The following ARHGEF33 variants were observed in gnomAD, a reference collection of about 807,000 sequenced individuals.
The protein encoded by ARHGEF33 is DH and coiled-coil domain-containing protein ENSP00000381780.
A neutral mutation model predicts 101.9 loss-of-function variants in ARHGEF33; 72 were observed. That is an observed-to-expected ratio of 0.71 (90% CI 0.58 to 0.86). The LOEUF is 0.86. Among genes scored for constraint, ARHGEF33 ranks in the 40% least tolerant of loss-of-function variants. The probability of loss-of-function intolerance (pLI) is 0.00; values close to 1 mark genes in which losing one functional copy is unlikely to be tolerated. For missense variants in ARHGEF33, 1,169 were observed against 1,111.3 expected (o/e 1.05, Z -0.74); for synonymous variants, 499 against 442.5 (o/e 1.13, Z -1.60).
In ARHGEF33 at chr2:38,929,342, T is replaced by A. The variant is rs982073115; in HGVS notation, c.240+271T>A. 3.3e-5 allele frequency among the ~76,000 whole-genome samples: 5 copies of A among 151,738 alleles called. No homozygotes were observed. The South Asian group carries it at 1.0e-3, about 32-fold the overall frequency. The stretch of plus-strand genomic sequence containing the variant: ...TACTCGGGAGACTGAGGCAGGAGAA[T>A]CGCTTGAGCCAGGAAGTGGAGGTTG... On this transcript the variant is annotated intron_variant, in intron 5 of 17. Coordinates refer to ENST00000409978, the MANE Select transcript of ARHGEF33 (RefSeq NM_001145451.5).
At chr2:38,950,665 G>T (rs1667576968) in intron 10 of ARHGEF33, among the ~76,000 whole-genome samples, 1 of 152,148 alleles carries the variant, frequency 6.6e-6, no homozygotes, top group Non-Finnish European at 1.5e-5. Context: ...GGCCAGGCTG[G>T]TCTCGAACTC....
intron 9 of ARHGEF33, among the ~76,000 whole-genome samples, chr2:38,942,788 ATGT>A (rs1228391715): frequency 2.6e-5 from 4 of 152,182 alleles, no homozygotes; most frequent in Non-Finnish European, 5.9e-5. Flanking sequence ...CTTTATGCAA[ATGT>A]ATGAGCATCC....
At chr2:38,905,198 C>T (rs2124982376) in intron 2 of ARHGEF33, among the ~76,000 whole-genome samples, 1 of 151,470 alleles carries the variant, frequency 6.6e-6, no homozygotes, top group African/African-American at 2.4e-5. Context: ...AAAAAAAAGC[C>T]AGTTTTGTTT....
At chr2:38,937,792 A>G (rs904321750) in intron 9 of ARHGEF33, among the ~76,000 whole-genome samples, 32 of 152,138 alleles carry the variant, frequency 2.1e-4, no homozygotes, top group Non-Finnish European at 2.9e-5. Context: ...TTAGTAATGG[A>G]GTGCTGTGGG....
intron 2 of ARHGEF33, among the ~76,000 whole-genome samples, chr2:38,907,397 G>A (rs990152591): frequency 1.3e-5 from 2 of 152,152 alleles, no homozygotes; most frequent in Non-Finnish European, 2.9e-5. Flanking sequence ...AGCACCAAAG[G>A]CAGCTCCAAA....
intron 1 of ARHGEF33, among the ~76,000 whole-genome samples, chr2:38,894,710 G>T (rs1051173440): frequency 2.0e-5 from 3 of 152,200 alleles, no homozygotes; most frequent in Non-Finnish European, 4.4e-5. Context: ...TCTTTTAGGA[G>T]ACTTCCCAGT....
intron 2 of ARHGEF33, among the ~76,000 whole-genome samples, chr2:38,911,959 G>T (rs116218535): frequency 6.6e-6 from 1 of 152,178 alleles, no homozygotes; most frequent in South Asian, 2.1e-4. Flanking sequence ...CTGGTTGAAG[G>T]GGGTAAAAAG....
intron 10 of ARHGEF33, among the ~76,000 whole-genome samples, chr2:38,944,260 G>C (rs1667384250): frequency 6.6e-6 from 1 of 152,186 alleles, no homozygotes; most frequent in Non-Finnish European, 1.5e-5. Context: ...CACAATTCTG[G>C]AGACTGGGGA....
chr2:38,906,085 G>A (rs769514061), intron 2 of ARHGEF33, among the ~76,000 whole-genome samples: 19 of 150,382 alleles, frequency 1.3e-4, no homozygotes, highest in African/African-American at 1.7e-4. Flanking sequence ...GAAACTCCAC[G>A]TCTACAAAAA....
chr2:38,924,336 T>C (rs972585386), intron 4 of ARHGEF33, among the ~76,000 whole-genome samples: 5 of 152,218 alleles, frequency 3.3e-5, no homozygotes, highest in African/African-American at 1.2e-4. Context: ...TTATCCTTTG[T>C]CCACTGCACA....
At chr2:38,964,445 C>T (rs1429476032) in intron 16 of ARHGEF33, among the ~76,000 whole-genome samples, 2 of 151,798 alleles carry the variant, frequency 1.3e-5, no homozygotes, top group Non-Finnish European at 2.9e-5. Context: ...TCTGTGCAGT[C>T]TAACCTCTCT....
At chr2:38,950,010 A>C (rs1452956708) in intron 10 of ARHGEF33, among the ~76,000 whole-genome samples, 1 of 152,194 alleles carries the variant, frequency 6.6e-6, no homozygotes, top group Non-Finnish European at 1.5e-5. Context: ...CCCTCATGAT[A>C]CAATCACCTC....
At chr2:38,943,217 C>A (rs909488792) in intron 9 of ARHGEF33, among the ~76,000 whole-genome samples, 7 of 152,188 alleles carry the variant, frequency 4.6e-5, no homozygotes, top group Non-Finnish European at 4.4e-5. Flanking sequence ...CATGAGCCAC[C>A]ATGTCCGGCT....
chr2:38,939,071 C>T (rs900004549), intron 9 of ARHGEF33, among the ~76,000 whole-genome samples: 1 of 152,272 alleles, frequency 6.6e-6, no homozygotes, highest in East Asian at 1.9e-4. Flanking sequence ...CTCCCAGGCT[C>T]AAGTGATTCT....
intron 9 of ARHGEF33, among the ~76,000 whole-genome samples, chr2:38,943,052 C>T (rs1412409792): frequency 2.0e-5 from 3 of 152,136 alleles, no homozygotes; most frequent in Non-Finnish European, 2.9e-5. Context: ...CTCAGACTCC[C>T]GAGTAGCTGG....
Position 38,954,353 on chromosome 2 carries a change from T to C in ARHGEF33, c.1138-20T>C, listed in dbSNP as rs762111716. 5 of 1,474,438 alleles carry C rather than the reference T, an allele frequency of 3.4e-6. No individual in the cohort carries two copies. The South Asian group carries it at 4.9e-5, about 14-fold the overall frequency. The allele number at this position is 1,474,438 out of a possible 1,614,324, so 91.3% of individuals were successfully genotyped here. ...AGCTGGAGGAACACTGAAGAGTAAC[T>C]TGACCTTTCTTTCATTCAGGGTGAT... On this transcript the variant is annotated intron_variant, in intron 12 of 17. Coordinates refer to ENST00000409978, the MANE Select transcript of ARHGEF33 (RefSeq NM_001145451.5).
intron 1 of ARHGEF33, among the ~76,000 whole-genome samples, chr2:38,894,899 C>T (rs1027694282): frequency 6.6e-6 from 1 of 151,732 alleles, no homozygotes; most frequent in Non-Finnish European, 1.5e-5. Context: ...TACATGGCCT[C>T]TTATATTCCT....
intron 2 of ARHGEF33, among the ~76,000 whole-genome samples, chr2:38,904,058 G>C (rs1201833302): frequency 6.6e-6 from 1 of 152,158 alleles, no homozygotes; most frequent in African/African-American, 2.4e-5. Context: ...AATTAACTTA[G>C]AAAATGAGAT....
intron 4 of ARHGEF33, among the ~76,000 whole-genome samples, chr2:38,923,849 A>T (rs1380786383): frequency 6.6e-6 from 1 of 152,216 alleles, no homozygotes; most frequent in Non-Finnish European, 1.5e-5. Context: ...AAAAAATTCA[A>T]ACCATAAAAT....
Sources: gnomAD v4.1 joint callset for allele counts (sites outside exome capture counted in the v4.1 genomes callset) on GRCh38, gnomAD v4.1.1 for gene constraint, MANE v1.5 for transcripts, NCBI Gene and HGNC (gene_info 2026-07-23, HGNC 2026-07-21) for gene names.